The following PHF24 variants were observed in gnomAD, a reference collection of about 807,000 sequenced individuals.
PHF24 encodes the protein PHD finger protein 24.
Under a neutral mutation model 42.6 loss-of-function variants are expected in PHF24, and 25 were observed. The ratio of observed to expected loss-of-function variants is 0.59; its 90% CI spans 0.43 to 0.82. The LOEUF (loss-of-function observed/expected upper bound fraction) is 0.82, where lower values mean the gene tolerates loss of function less well. PHF24 is among the 40% of genes least tolerant of loss of function. The pLI is 0.00. For missense variants in PHF24, 470 were observed against 538.1 expected, an observed-to-expected ratio of 0.87 and a Z score of 1.25; for synonymous variants, 185 against 204.8, an observed-to-expected ratio of 0.90 and a Z score of 0.83.
chr9:34,829,228 G>T, the PHF24 span, among the ~76,000 whole-genome samples: 1 of 152,172 alleles, frequency 6.6e-6, no homozygotes, highest in Non-Finnish European at 1.5e-5. Context: ...AGATGGAATT[G>T]CCTTTAACTG....
chr9:34,833,903 A>G, the PHF24 span: 3 of 1,542,174 alleles, frequency 1.9e-6, no homozygotes, highest in African/African-American at 1.4e-5. Flanking sequence ...TGCCGGGGCC[A>G]GGGCCCTGGG....
At chr9:34,705,967 C>T in the PHF24 span, among the ~76,000 whole-genome samples, 77 of 152,082 alleles carry the variant, frequency 5.1e-4, no homozygotes, top group African/African-American at 1.8e-3. Flanking sequence ...TTTTCTTCTA[C>T]GTATATCTTA....
chr9:34,729,582 T>C, the PHF24 span: 3 of 736,760 alleles, frequency 4.1e-6, no homozygotes, highest in Middle Eastern at 4.1e-4. Flanking sequence ...TCCTGTTTCA[T>C]AAGGTACATG....
chr9:34,743,300 T>TA, the PHF24 span, among the ~76,000 whole-genome samples: 2 of 152,360 alleles, frequency 1.3e-5, no homozygotes, highest in South Asian at 2.1e-4. Flanking sequence ...CACCTTTAGG[T>TA]GAGGACCAGT....
the PHF24 span, among the ~76,000 whole-genome samples, chr9:34,701,762 A>C: frequency 6.6e-6 from 1 of 151,752 alleles, no homozygotes; most frequent in Non-Finnish European, 1.5e-5. This position sits in a 1 kb window ranked among gnomAD's most constrained non-coding sequence, Gnocchi z 5.8. Flanking sequence ...CCTGCCACCC[A>C]GGCCCCCGAG....
chr9:34,953,953 C>T (rs540551924), upstream of PHF24, among the ~76,000 whole-genome samples: 20 of 152,106 alleles, frequency 1.3e-4, no homozygotes, highest in East Asian at 2.7e-3. The surrounding 1 kb of genome is among the most constrained non-coding windows in gnomAD (Gnocchi z 4.1). Context: ...AAACAAACAA[C>T]GACAACAACA....
the PHF24 span, among the ~76,000 whole-genome samples, chr9:34,702,061 A>AG: frequency 6.6e-6 from 1 of 152,248 alleles, no homozygotes; most frequent in East Asian, 1.9e-4. Context: ...GAAATATATT[A>AG]GGCGCGAGGC....
At chr9:34,870,715 A>G in the PHF24 span, among the ~76,000 whole-genome samples, 1 of 152,066 alleles carries the variant, frequency 6.6e-6, no homozygotes, top group African/African-American at 2.4e-5. Context: ...CCACAGGTGC[A>G]CACCACTATT....
the PHF24 span, among the ~76,000 whole-genome samples, chr9:34,829,644 G>A: frequency 1.3e-5 from 2 of 152,106 alleles, no homozygotes; most frequent in Admixed American, 1.3e-4. Context: ...CCTCCTCAGC[G>A]CAGACTTTGG....
the PHF24 span, among the ~76,000 whole-genome samples, chr9:34,795,588 T>C: frequency 6.6e-6 from 1 of 152,146 alleles, no homozygotes; most frequent in African/African-American, 2.4e-5. Flanking sequence ...GTTTGAAATG[T>C]TTGACTATTA....
At chr9:34,967,678 T>G (rs1469271382) in intron 1 of PHF24, among the ~76,000 whole-genome samples, 2 of 152,222 alleles carry the variant, frequency 1.3e-5, no homozygotes, top group Non-Finnish European at 2.9e-5. Context: ...CTGTTGCCCA[T>G]GAGGCATTTG....
At chr9:34,824,126 G>T in the PHF24 span, among the ~76,000 whole-genome samples, 1 of 152,246 alleles carries the variant, frequency 6.6e-6, no homozygotes, top group Non-Finnish European at 1.5e-5. Flanking sequence ...TGGCAGGTAA[G>T]AGCCACAGAG....
the PHF24 span, chr9:34,726,822 C>G: frequency 6.4e-7 from 1 of 1,551,810 alleles, no homozygotes; most frequent in South Asian, 1.2e-5. Flanking sequence ...GACAGCATCT[C>G]TAGGCAAGAG....
chr9:34,828,963 T>G, the PHF24 span, among the ~76,000 whole-genome samples: 2 of 40,710 alleles, frequency 4.9e-5, no homozygotes, highest in Non-Finnish European at 1.1e-4. Context: ...GTCTGTCATC[T>G]GCAACCAGGA....
At chr9:34,737,865 T>C in the PHF24 span, among the ~76,000 whole-genome samples, 2 of 152,212 alleles carry the variant, frequency 1.3e-5, no homozygotes, top group African/African-American at 4.8e-5. Flanking sequence ...TCCTCTCCTC[T>C]TGACACTGAA....
chr9:34,709,755 C>A, the PHF24 span: 2 of 1,614,186 alleles, frequency 1.2e-6, no homozygotes, highest in African/African-American at 1.3e-5. Flanking sequence ...CAGCCAGTAC[C>A]CACCCCTTTG....
chr9:34,883,831 G>A, the PHF24 span, among the ~76,000 whole-genome samples: 1 of 152,320 alleles, frequency 6.6e-6, no homozygotes, highest in Non-Finnish European at 1.5e-5. Flanking sequence ...TCTAGAACTA[G>A]AAATACCATT....
At chr9:34,790,073 C>G in the PHF24 span, among the ~76,000 whole-genome samples, 1 of 152,140 alleles carries the variant, frequency 6.6e-6, no homozygotes, top group Non-Finnish European at 1.5e-5. Flanking sequence ...ATCTCGAGCT[C>G]CTAGCCTCAG....
chr9:34,864,139 A>C, the PHF24 span, among the ~76,000 whole-genome samples: 1 of 152,244 alleles, frequency 6.6e-6, no homozygotes, highest in African/African-American at 2.4e-5. Context: ...AATAAAGCAC[A>C]TCTACAGGAT....
Sources: allele counts gnomAD v4.1 joint callset (sites outside exome capture counted in the v4.1 genomes callset), GRCh38; gene constraint gnomAD v4.1.1; non-coding constraint Gnocchi (gnomAD v3.1); transcripts MANE v1.5; gene names NCBI Gene and HGNC (gene_info 2026-07-23, HGNC 2026-07-21).